The following MAF variants were observed in gnomAD, a reference collection of about 807,000 sequenced individuals.
MAF encodes the protein MAF bZIP transcription factor.
In MAF, 10 loss-of-function variants were observed where a neutral mutation model predicts 22.0. The observed-to-expected ratio is 0.45, with a 90% confidence interval of 0.28 to 0.77. The LOEUF is 0.77. Ranked by LOEUF, MAF falls within the 30% of genes least tolerant of loss-of-function variation. The pLI is 0.12. For missense variants in MAF, 544 were observed against 548.4 expected, an observed-to-expected ratio of 0.99 and a Z score of 0.08; for synonymous variants, 337 against 255.8, an observed-to-expected ratio of 1.32 and a Z score of -3.03.
chr16:79,585,871 A>C, exon 2 of MAF: 1 of 651,058 alleles, frequency 1.5e-6, no homozygotes, highest in Non-Finnish European at 2.7e-6. Flanking sequence ...ATCAAAAATC[A>C]AGATGTACCT....
the MAF span, among the ~76,000 whole-genome samples, chr16:79,537,518 A>G: frequency 6.6e-6 from 1 of 152,196 alleles, no homozygotes; most frequent in African/African-American, 2.4e-5. Context: ...TGAGTCTTCA[A>G]GCCTAGACTC....
the MAF span, among the ~76,000 whole-genome samples, chr16:79,279,688 T>G: frequency 6.6e-6 from 1 of 152,198 alleles, no homozygotes; most frequent in South Asian, 2.1e-4. Flanking sequence ...CCTCTCCTAA[T>G]GGCATATGTT....
the MAF span, among the ~76,000 whole-genome samples, chr16:79,436,925 G>A: frequency 6.6e-6 from 1 of 152,144 alleles, no homozygotes; most frequent in Non-Finnish European, 1.5e-5. Context: ...AGTCTCCCAA[G>A]GTGCCTGTTT....
At chr16:79,268,208 G>T in the MAF span, among the ~76,000 whole-genome samples, 92 of 152,152 alleles carry the variant, frequency 6.0e-4, no homozygotes, top group African/African-American at 2.0e-3. Context: ...GTTGGAATCA[G>T]CTACCCCCTC....
chr16:79,560,018 C>G, the MAF span, among the ~76,000 whole-genome samples: 2 of 152,186 alleles, frequency 1.3e-5, no homozygotes, highest in Non-Finnish European at 2.9e-5. Flanking sequence ...AATCCTCCTG[C>G]TTTAGCCTTC....
the MAF span, chr16:79,205,285 CCT>C: frequency 1.3e-5 from 2 of 152,204 alleles, no homozygotes; most frequent in African/African-American, 4.8e-5. Context: ...CCATCAAGCC[CCT>C]GTCATAGACA....
At chr16:79,210,221 T>A in the MAF span, among the ~76,000 whole-genome samples, 3 of 152,200 alleles carry the variant, frequency 2.0e-5, no homozygotes. Flanking sequence ...ATCCTGACAC[T>A]GAAGAAGCTA....
At chr16:79,268,267 G>A in the MAF span, among the ~76,000 whole-genome samples, 1 of 152,044 alleles carries the variant, frequency 6.6e-6, no homozygotes, top group Non-Finnish European at 1.5e-5. Flanking sequence ...TACCATGCAA[G>A]AAAAATGTAG....
the MAF span, among the ~76,000 whole-genome samples, chr16:79,396,572 C>T: frequency 6.6e-6 from 1 of 152,220 alleles, no homozygotes; most frequent in Non-Finnish European, 1.5e-5. Flanking sequence ...ATTCAATTCC[C>T]AACTTGATGG....
the MAF span, among the ~76,000 whole-genome samples, chr16:79,337,482 C>T: frequency 5.5e-4 from 84 of 152,108 alleles, no homozygotes; most frequent in Admixed American, 9.8e-4. Context: ...GCAGAAGAAT[C>T]GCTTGAACCT....
chr16:79,381,150 T>C, the MAF span, among the ~76,000 whole-genome samples: 3 of 152,106 alleles, frequency 2.0e-5, no homozygotes, highest in African/African-American at 4.8e-5. Flanking sequence ...CAATGATAAG[T>C]AGAAATTGTG....
At chr16:79,425,197 T>A in the MAF span, among the ~76,000 whole-genome samples, 7 of 152,354 alleles carry the variant, frequency 4.6e-5, no homozygotes, top group Non-Finnish European at 1.0e-4. Flanking sequence ...TTATATGATC[T>A]CTTCTCATGG....
At chr16:79,300,397 A>G in the MAF span, among the ~76,000 whole-genome samples, 1 of 152,148 alleles carries the variant, frequency 6.6e-6, no homozygotes, top group African/African-American at 2.4e-5. Context: ...TCTACTAAAA[A>G]TACAAAAATT....
intron 1 of MAF, chr16:79,595,620 G>T: frequency 9.5e-7 from 1 of 1,058,190 alleles, no homozygotes; most frequent in African/African-American, 1.6e-5. Context: ...ACTAGTGAAG[G>T]TAGTTTTGAG....
chr16:79,401,866 A>G, the MAF span, among the ~76,000 whole-genome samples: 1 of 152,140 alleles, frequency 6.6e-6, no homozygotes. Flanking sequence ...AGGGTCATTG[A>G]TGGTGGTTGG....
At chr16:79,547,906 G>GAGAGAGAGAC in the MAF span, among the ~76,000 whole-genome samples, 12 of 110,758 alleles carry the variant, frequency 1.1e-4, no homozygotes, top group South Asian at 6.9e-4. Flanking sequence ...GTGTGTGAGA[G>GAGAGAGAGAC]AGAGAGAGAG....
At chr16:79,480,160 C>G in the MAF span, among the ~76,000 whole-genome samples, 1 of 152,020 alleles carries the variant, frequency 6.6e-6, no homozygotes, top group Non-Finnish European at 1.5e-5. Context: ...ACCTCTGTTT[C>G]CAACACAGTA....
the MAF span, among the ~76,000 whole-genome samples, chr16:79,498,613 A>G: frequency 6.6e-6 from 1 of 152,172 alleles, no homozygotes; most frequent in South Asian, 2.1e-4. Flanking sequence ...GATGGAGGCT[A>G]TTAGTACGCC....
the MAF span, among the ~76,000 whole-genome samples, chr16:79,385,283 T>A: frequency 7.2e-5 from 11 of 152,232 alleles, 1 homozygote; most frequent in African/African-American, 2.7e-4. Flanking sequence ...ATTTAACTTA[T>A]AAAGGCAACA....
Sources: allele counts gnomAD v4.1 joint callset (sites outside exome capture counted in the v4.1 genomes callset), GRCh38; gene constraint gnomAD v4.1.1; transcripts MANE v1.5; gene names NCBI Gene and HGNC (gene_info 2026-07-23, HGNC 2026-07-21).